Variants in PAK1 observed in about 807,000 individuals in gnomAD.
The protein encoded by PAK1 is serine/threonine-protein kinase PAK 1.
PAK1 carries 29 observed loss-of-function variants against 67.4 expected under a neutral mutation model. The observed-to-expected ratio is 0.43, with a 90% confidence interval of 0.32 to 0.59. PAK1 has a LOEUF of 0.59. Ranked by LOEUF, PAK1 falls within the 20% of genes least tolerant of loss-of-function variation. The probability of loss-of-function intolerance (pLI) is 0.07; values close to 1 mark genes in which losing one functional copy is unlikely to be tolerated. For missense variants in PAK1, 337 were observed against 670.7 expected (o/e 0.50, Z 5.50); for synonymous variants, 223 against 237.4 (o/e 0.94, Z 0.56).
chr11:77,508,682 C>T, the PAK1 span, among the ~76,000 whole-genome samples: 4 of 135,882 alleles, frequency 2.9e-5, no homozygotes, highest in Non-Finnish European at 6.2e-5. Context: ...TTTTTTGCGA[C>T]GGAGTCTCGC....
upstream of PAK1, chr11:77,476,291 T>A (rs1386804855): frequency 1.3e-5 from 2 of 152,254 alleles, no homozygotes; most frequent in African/African-American, 2.4e-5. Context: ...GTTGTTATCC[T>A]CACCCATCTT....
chr11:77,384,887 G>A (rs751677901), intron 2 of PAK1, among the ~76,000 whole-genome samples: 43 of 151,990 alleles, frequency 2.8e-4, no homozygotes, highest in Non-Finnish European at 5.1e-4. Flanking sequence ...TGACTTGTAT[G>A]GCATGTGAAT....
intron 2 of PAK1, among the ~76,000 whole-genome samples, chr11:77,385,554 C>T (rs1331572200): frequency 6.6e-6 from 1 of 152,142 alleles, no homozygotes; most frequent in Non-Finnish European, 1.5e-5. Flanking sequence ...AGGATTCCTA[C>T]AACGATGTTA....
At chr11:77,455,529 G>A (rs1348336794) in intron 1 of PAK1, among the ~76,000 whole-genome samples, 1 of 151,942 alleles carries the variant, frequency 6.6e-6, no homozygotes, top group Non-Finnish European at 1.5e-5. Flanking sequence ...GCATCCTTGG[G>A]GACTCAGTTA....
chr11:77,432,690 T>C (rs1955917107), intron 1 of PAK1, among the ~76,000 whole-genome samples: 1 of 151,792 alleles, frequency 6.6e-6, no homozygotes, highest in Non-Finnish European at 1.5e-5. Flanking sequence ...TATTCACAGA[T>C]GACATAATCT....
At chr11:77,511,611 A>G in the PAK1 span, among the ~76,000 whole-genome samples, 2 of 152,168 alleles carry the variant, frequency 1.3e-5, no homozygotes, top group African/African-American at 4.8e-5. Context: ...AGACGTGACA[A>G]GTAGCAATGC....
chr11:77,406,280 T>C (rs1284814050), intron 1 of PAK1, among the ~76,000 whole-genome samples: 3 of 152,214 alleles, frequency 2.0e-5, no homozygotes, highest in African/African-American at 7.2e-5. Flanking sequence ...TCCACCTGCG[T>C]TTCTCATCAG....
At chr11:77,376,501 G>A (rs367618787) in intron 4 of PAK1, among the ~76,000 whole-genome samples, 24 of 152,110 alleles carry the variant, frequency 1.6e-4, no homozygotes, top group African/African-American at 5.6e-4. Flanking sequence ...CACTTTGGGA[G>A]GCCAAGGTGG....
At chr11:77,522,554 CA>C in the PAK1 span, among the ~76,000 whole-genome samples, 4 of 152,026 alleles carry the variant, frequency 2.6e-5, no homozygotes, top group African/African-American at 9.7e-5. Flanking sequence ...TGGCTATTAC[CA>C]AAAAGTCAAA....
chr11:77,365,122 C>T (rs1256084866), intron 5 of PAK1, among the ~76,000 whole-genome samples: 3 of 151,586 alleles, frequency 2.0e-5, no homozygotes, highest in African/African-American at 7.3e-5. Flanking sequence ...TGCGGTGGCA[C>T]GTGCCTGTTG....
At chr11:77,364,883 GA>G (rs1388446822) in intron 5 of PAK1, among the ~76,000 whole-genome samples, 1 of 152,136 alleles carries the variant, frequency 6.6e-6, no homozygotes, top group Admixed American at 6.6e-5. Context: ...TACAGTTGAA[GA>G]ATAAAATAAC....
At chr11:77,425,429 T>C (rs1162921329) in intron 1 of PAK1, among the ~76,000 whole-genome samples, 1 of 152,226 alleles carries the variant, frequency 6.6e-6, no homozygotes, top group South Asian at 2.1e-4. Context: ...GCTGCATTTA[T>C]GTGGCAACTA....
chr11:77,379,912 A>G lies in PAK1; in HGVS notation c.273T>C (p.Ala91=). 2 of 1,613,558 alleles carry G rather than the reference A, an allele frequency of 1.2e-6. No individual in the cohort carries two copies. The highest frequency in any genetic ancestry group is 8.5e-7 in the Non-Finnish European group (1 of 1,179,464). ...GACTTACCGTAAACTCCCCTGTGAC[A>G]GCATCAAAACCGACATGAATTGTGT... is the stretch of plus-strand genomic sequence containing the variant. ...FEHTIHVGFD[A]VTGEFTGMPE... Residue 91 remains alanine, a synonymous_variant, in exon 3 of 15, where the codon GCT becomes GCC. Coordinates refer to ENST00000356341, the MANE Select transcript of PAK1 (RefSeq NM_002576.5).
At chr11:77,408,633 C>T (rs1954017003) in intron 1 of PAK1, among the ~76,000 whole-genome samples, 1 of 152,034 alleles carries the variant, frequency 6.6e-6, no homozygotes, top group Admixed American at 6.6e-5. Flanking sequence ...TCTGCTTTCC[C>T]TCTAACTCCC....
At chr11:77,391,347 T>G (rs1021470947) in intron 2 of PAK1, among the ~76,000 whole-genome samples, 1 of 152,248 alleles carries the variant, frequency 6.6e-6, no homozygotes, top group Non-Finnish European at 1.5e-5. Context: ...TTAGGAACTT[T>G]GTATGTAGTC....
At chr11:77,387,370 C>T (rs541967090) in intron 2 of PAK1, among the ~76,000 whole-genome samples, 4 of 152,158 alleles carry the variant, frequency 2.6e-5, no homozygotes, top group Non-Finnish European at 4.4e-5. Context: ...ACTTGCACCC[C>T]GCCCTGTATT....
In PAK1 at chr11:77,449,519, G is replaced by A. The variant is rs572651081; in HGVS notation, c.-22+24033C>T. 5.9e-5 allele frequency among the ~76,000 whole-genome samples: 9 copies of A among 152,148 alleles called. No homozygotes were observed. In the South Asian group the frequency reaches 6.2e-4, roughly 11 times the overall value. ...GCATGAAAACAACTTAACATAAAAC[G>A]TTAGAGTTCAGGCAGACTCTTTTAT... is the stretch of plus-strand genomic sequence containing the variant. On this transcript the variant is annotated intron_variant, in intron 1 of 14. Coordinates refer to ENST00000356341, the MANE Select transcript of PAK1 (RefSeq NM_002576.5).
intron 1 of PAK1, among the ~76,000 whole-genome samples, chr11:77,393,035 G>C (rs1565658081): frequency 6.6e-6 from 1 of 151,864 alleles, no homozygotes; most frequent in Admixed American, 6.6e-5. Context: ...TCAAGGGTCA[G>C]GAAAGCTGCT....
chr11:77,460,752 T>G (rs775838769), intron 1 of PAK1, among the ~76,000 whole-genome samples: 3 of 152,112 alleles, frequency 2.0e-5, no homozygotes, highest in Non-Finnish European at 4.4e-5. Context: ...AATGACTTCT[T>G]TCATTGTAAA....
Sources: allele counts gnomAD v4.1 joint callset (sites outside exome capture counted in the v4.1 genomes callset), GRCh38; gene constraint gnomAD v4.1.1; transcripts MANE v1.5; gene names NCBI Gene and HGNC (gene_info 2026-07-23, HGNC 2026-07-21).